Variants in TCF20 observed in about 807,000 individuals in gnomAD.
The protein encoded by TCF20 is SPRE-binding protein.
In TCF20, 3 loss-of-function variants were observed where a neutral mutation model predicts 148.6. The observed-to-expected ratio is 0.02, with a 90% CI of 0.01 to 0.05. The LOEUF (loss-of-function observed/expected upper bound fraction) is 0.05. Among genes scored for constraint, TCF20 ranks in the 10% least tolerant of loss-of-function variants. The pLI is 1.00. For synonymous variants in TCF20, 1,049 were observed against 909.5 expected, an observed-to-expected ratio of 1.15 and a Z score of -2.76; for missense variants, 2,350 against 2,429.3, an observed-to-expected ratio of 0.97 and a Z score of 0.69.
At chr22:42,179,490 C>CAAAAAAAAAAAAAAAAAAAAGAAA (rs1936655316) in intron 3 of TCF20, 119 bp downstream of exon 3, 1 of 341,484 alleles carries the variant, frequency 2.9e-6, no homozygotes, top group Non-Finnish European at 4.9e-6. Flanking sequence ...TATGAAGTGA[C>CAAAAAAAAAAAAAAAAAAAAGAAA]AAAAAAAAAA....
chr22:42,214,702 C>G lies in TCF20; in HGVS notation c.604G>C (p.Ala202Pro). 1 of 1,614,138 alleles carries G rather than the reference C, an allele frequency of 6.2e-7. No individual in the cohort carries two copies. The highest frequency in any genetic ancestry group is 8.5e-7 in the Non-Finnish European group (1 of 1,180,038). ...QPLPQATGQP[A>P]SSSSHLQPMQ... ...GGCTGTAGATGGGATGAGCTGGATG[C>G]TGGTTGGCCAGTGGCCTGTGGCAGG... The change falls in exon 2 of 6, where the codon GCA becomes CCA. Residue 202 changes from alanine to proline, a missense_variant. Physicochemically the swap from Ala to Pro is conservative, Grantham distance 27 (BLOSUM62 -1). Transcript: ENST00000677622.
chr22:42,207,517 T>C (rs959107640), intron 2 of TCF20, among the ~76,000 whole-genome samples: 59 of 152,242 alleles, frequency 3.9e-4, no homozygotes, highest in African/African-American at 1.4e-3. Flanking sequence ...TCTTTCTCTC[T>C]TAAAAATATA....
intron 1 of TCF20, among the ~76,000 whole-genome samples, chr22:42,289,779 C>T (rs1927099603): frequency 6.6e-6 from 1 of 152,226 alleles, no homozygotes; most frequent in South Asian, 2.1e-4. Context: ...CCACCAGGAG[C>T]CTGCAGCCTG....
At position 42,178,334 on chromosome 22, in the gene TCF20, AAACACAGGTCAT is replaced by A. The variant is rs896807713; in HGVS notation, c.5749+1263_5749+1274del. The stretch of plus-strand genomic sequence containing the variant: ...CCCCAGTTTATAGTTGATCACTCAG[AAACACAGGTCAT>A]AACACAGGGCTTGAGATTGGTATAT... On this transcript the variant is annotated intron_variant, in intron 3 of 5. Transcript: ENST00000677622. 2.6e-5 allele frequency among the ~76,000 whole-genome samples: 4 copies of A among 152,280 alleles called. No individual in the cohort carries two copies. The South Asian group carries it at 6.2e-4, about 24-fold the overall frequency.
chr22:42,230,250 G>A (rs1013571544), intron 1 of TCF20, among the ~76,000 whole-genome samples: 2 of 152,190 alleles, frequency 1.3e-5, no homozygotes, highest in Non-Finnish European at 2.9e-5. Flanking sequence ...TCCCATCAGA[G>A]TACAATGGAG....
intron 2 of TCF20, among the ~76,000 whole-genome samples, chr22:42,201,166 T>TA (rs1328663093): frequency 2.0e-5 from 3 of 152,036 alleles, no homozygotes; most frequent in African/African-American, 7.3e-5. Context: ...TCCATGACTG[T>TA]AAGTTTCCTG....
chr22:42,201,985 A>G (rs1184359017), intron 2 of TCF20, among the ~76,000 whole-genome samples: 1 of 152,104 alleles, frequency 6.6e-6, no homozygotes, highest in Non-Finnish European at 1.5e-5. Flanking sequence ...GCTATTTCAT[A>G]AGACATAATA....
At chr22:42,184,211 CA>C (rs543568319) in intron 2 of TCF20, among the ~76,000 whole-genome samples, 157 of 152,204 alleles carry the variant, frequency 1.0e-3, no homozygotes, top group African/African-American at 3.7e-3. Context: ...GTAGAAGAAA[CA>C]AGAGGCTAAA....
At chr22:42,298,998 G>C (rs932613317) in intron 1 of TCF20, among the ~76,000 whole-genome samples, 1 of 152,246 alleles carries the variant, frequency 6.6e-6, no homozygotes, top group Non-Finnish European at 1.5e-5. Flanking sequence ...TGTGTCCTCA[G>C]CCTTAGAAGC....
In TCF20 at chr22:42,241,813, G is replaced by A. The variant is rs151249074; in HGVS notation, c.-36-26472C>T. On this transcript the variant is annotated intron_variant, in intron 1 of 5. Transcript: ENST00000677622. ...CACTGCACTGCACCCCAGCCTGGGCGAAAGAGTGAGACTCTTGTCTCAAAA... is the reference window on the plus strand; with the variant it reads ...CACTGCACTGCACCCCAGCCTGGGCAAAAGAGTGAGACTCTTGTCTCAAAA... 3.3e-3 allele frequency among the ~76,000 whole-genome samples: 499 copies of A among 152,140 alleles called. 2 individuals carry two copies. Among genetic ancestry groups the A allele is most frequent in the African/African-American group, 0.011 (439 of 41,494 alleles).
intron 1 of TCF20, among the ~76,000 whole-genome samples, chr22:42,259,361 A>C (rs984517168): frequency 6.6e-6 from 1 of 152,144 alleles, no homozygotes; most frequent in Non-Finnish European, 1.5e-5. Flanking sequence ...ATCAATTAGG[A>C]AGCAAGGAAG....
At chr22:42,326,772 C>T (rs1438912217) in intron 1 of TCF20, among the ~76,000 whole-genome samples, 2 of 152,266 alleles carry the variant, frequency 1.3e-5, no homozygotes, top group Non-Finnish European at 2.9e-5. Flanking sequence ...TCTTAGGGGG[C>T]TCCACCAGAG....
Position 42,168,733 on chromosome 22 carries a change from G to C in TCF20, c.5803C>G (p.Pro1935Ala), listed in dbSNP as rs1348956179. 1.9e-6 allele frequency: 3 copies of C among 1,609,076 alleles called. No individual in the cohort carries two copies. The change falls in exon 5 of 6, where the codon CCC (proline) becomes GCC (alanine). Residue 1935 changes from proline (P) to alanine (A), a missense_variant. Physicochemically the swap from Pro to Ala is conservative, Grantham distance 27. This residue lies in a region of TCF20 where 67 missense variants were observed against 60.8 expected (regional missense o/e 1.10). Coordinates refer to ENST00000677622, the MANE Select transcript of TCF20 (RefSeq NM_001378418.1). Reference protein sequence around the residue: ...FSVRCPKHKPPLPCPLPPLQN... With the variant: ...FSVRCPKHKPALPCPLPPLQN... The stretch of plus-strand genomic sequence containing the variant: ...AAGGGGGGGAGAGGGCACGGAAGGG[G>C]AGGCTGACACGGGCAAAACCAAGAG...
chr22:42,163,111 G>A (rs1289548125), intron 5 of TCF20, among the ~76,000 whole-genome samples: 2 of 152,222 alleles, frequency 1.3e-5, no homozygotes, highest in Non-Finnish European at 2.9e-5. Context: ...ACAGGGCAGG[G>A]TTTGCCCTCT....
At chr22:42,254,229 G>C (rs972092581) in intron 1 of TCF20, among the ~76,000 whole-genome samples, 1 of 152,022 alleles carries the variant, frequency 6.6e-6, no homozygotes, top group Non-Finnish European at 1.5e-5. Context: ...GAATATGATG[G>C]GCAACAGACA....
chr22:42,281,434 A>G (rs1449765632), intron 1 of TCF20, among the ~76,000 whole-genome samples: 5 of 152,196 alleles, frequency 3.3e-5, no homozygotes, highest in Admixed American at 3.3e-4. Flanking sequence ...CCAGCCAGTG[A>G]AACAAGGGCC....
At chr22:42,250,508 T>C (rs901763343) in intron 1 of TCF20, among the ~76,000 whole-genome samples, 12 of 152,180 alleles carry the variant, frequency 7.9e-5, no homozygotes, top group African/African-American at 2.6e-4. Context: ...TATACTGTTT[T>C]TGTGAAAGAT....
chr22:42,288,746 AGAC>A (rs1371360710), upstream of TCF20, among the ~76,000 whole-genome samples: 3 of 142,682 alleles, frequency 2.1e-5, no homozygotes, highest in African/African-American at 8.2e-5. Flanking sequence ...AAAAAAAAAA[AGAC>A]AGAGAGCAGA....
intron 1 of TCF20, among the ~76,000 whole-genome samples, chr22:42,293,040 A>G (rs1927161813): frequency 6.6e-6 from 1 of 151,990 alleles, no homozygotes; most frequent in Non-Finnish European, 1.5e-5. Flanking sequence ...CAGGATACAA[A>G]GCCCCGGGGC....
Sources: allele counts gnomAD v4.1 joint callset (sites outside exome capture counted in the v4.1 genomes callset), GRCh38; gene constraint gnomAD v4.1.1; regional missense constraint gnomAD v4.1.1; transcripts MANE v1.5; gene names NCBI Gene and HGNC (gene_info 2026-07-23, HGNC 2026-07-21).